The following CRYBA1 variants were observed in gnomAD, a reference collection of about 807,000 sequenced individuals.
The protein encoded by CRYBA1 is beta-crystallin A3.
In CRYBA1, 25 loss-of-function variants were observed where a neutral mutation model predicts 36.2. The ratio of observed to expected loss-of-function variants is 0.69; its 90% confidence interval spans 0.50 to 0.97. CRYBA1 has a LOEUF of 0.97. Ranked by LOEUF, CRYBA1 falls within the 50% of genes least tolerant of loss-of-function variation. The pLI, the probability that CRYBA1 is intolerant of heterozygous loss-of-function variation, is 0.00. For synonymous variants in CRYBA1, 111 were observed against 90.0 expected (o/e 1.23, Z -1.32); for missense variants, 224 against 276.3 (o/e 0.81, Z 1.34).
intron 3 of CRYBA1, 78 bp downstream of exon 3, chr17:29,250,378 G>A: frequency 1.2e-6 from 1 of 854,346 alleles, no homozygotes; most frequent in Non-Finnish European, 2.0e-6. Context: ...TGGGGATAGG[G>A]GAAGAAGGAT....
chr17:29,253,923 A>G (rs952370607), intron 5 of CRYBA1, 141 bp downstream of exon 5: 2 of 1,194,848 alleles, frequency 1.7e-6, no homozygotes, highest in East Asian at 2.6e-5. Flanking sequence ...CAATTTCTTT[A>G]TACCAACTAC....
rs765041165 is a variant in CRYBA1 at position 29,254,390 on chromosome 17, G to T, written c.*41G>T. ...AAGTACGATAATTCCTCAAGCATGA[G>T]ACCTTGCTAAGCACTCTAGAATAAG... On this transcript the variant is annotated 3_prime_UTR_variant, in exon 6 of 6. Transcript: ENST00000225387. The T allele has an allele frequency of 3.1e-6, 5 of 1,607,116 alleles. No homozygotes were observed. In the East Asian group the frequency reaches 8.9e-5, roughly 29 times the overall value.
At chr17:29,251,425 G>T (rs2068934778) in intron 3 of CRYBA1, among the ~76,000 whole-genome samples, 1 of 152,118 alleles carries the variant, frequency 6.6e-6, no homozygotes, top group South Asian at 2.1e-4. Flanking sequence ...CAACAGGTTG[G>T]ACAAGCTTGC....
chr17:29,253,314 G>A lies in CRYBA1; in HGVS notation c.358-326G>A, dbSNP rs190319775. On this transcript the variant is annotated intron_variant, in intron 4 of 5. Transcript: ENST00000225387. ...ACATACATATTTGGGCTTACTTTTT[G>A]TAATAATCTGTGAGATCTTTTTTCA... 2.0e-5 allele frequency among the ~76,000 whole-genome samples: 3 copies of A among 152,262 alleles called. No homozygotes were observed. The East Asian group carries it at 5.8e-4, about 29-fold the overall frequency.
chr17:29,249,411 T>C (rs1006665121), intron 2 of CRYBA1, among the ~76,000 whole-genome samples: 5 of 152,218 alleles, frequency 3.3e-5, no homozygotes, highest in African/African-American at 9.7e-5. Flanking sequence ...GTGGATGCCA[T>C]TGATGGGTGG....
intron 2 of CRYBA1, 29 bp downstream of exon 2, chr17:29,249,235 G>A (rs2068920784): frequency 2.7e-6 from 4 of 1,496,610 alleles, no homozygotes; most frequent in Non-Finnish European, 2.8e-6. Flanking sequence ...CATCCAACAG[G>A]GCAGGGGTGA....
In CRYBA1 at chr17:29,254,235, G is replaced by GT; in HGVS notation, c.535dup (p.Tyr179LeufsTer8). 6.2e-7 allele frequency: 1 copy of GT among 1,614,078 alleles called. No homozygotes were observed. The highest frequency in any genetic ancestry group is 1.3e-5 in the African/African-American group (1 of 75,010). On this transcript the variant is annotated frameshift_variant, in exon 6 of 6. Coordinates refer to ENST00000225387, the MANE Select transcript of CRYBA1 (RefSeq NM_005208.5). LOFTEE classifies it high-confidence loss of function. ...GCTACCAATATCCTGGATATCGTGGGTATCAGTATATCTTGGAATGTGACC... is the reference window on the plus strand; with the variant it reads ...GCTACCAATATCCTGGATATCGTGGGTTATCAGTATATCTTGGAATGTGACC...
At position 29,252,103 on chromosome 17, in the gene CRYBA1, GT is replaced by G. The variant is rs745555171; in HGVS notation, c.258del (p.Phe86LeufsTer41). On this transcript the variant is annotated frameshift_variant, in exon 4 of 6. Coordinates refer to ENST00000225387, the MANE Select transcript of CRYBA1 (RefSeq NM_005208.5). LOFTEE classifies it high-confidence loss of function. ...AGCATACCAGCTTCTGTGGGCAACA[GT>G]TTATCCTGGAGAGAGGAGAATACCC... is the stretch of plus-strand genomic sequence containing the variant. ...YEHTSFCGQQFILERGEYPRW... is the reference protein window; with the variant it reads ...YEHTSFCGQQXILERGEYPRW... 44 of 1,614,180 alleles carry G rather than the reference GT, an allele frequency of 2.7e-5. No homozygotes were observed. Among genetic ancestry groups the G allele is most frequent in the Non-Finnish European group, 3.6e-5 (42 of 1,180,024 alleles).
chr17:29,252,776 TA>T (rs1012919545), intron 4 of CRYBA1, among the ~76,000 whole-genome samples: 8 of 152,226 alleles, frequency 5.3e-5, no homozygotes, highest in Non-Finnish European at 1.0e-4. Flanking sequence ...ATGATCCCTG[TA>T]TTAGGAGTTA....
At chr17:29,248,993 A>C (rs2153009420) in intron 1 of CRYBA1, 149 bp from the exon 2 acceptor site, 1 of 678,536 alleles carries the variant, frequency 1.5e-6, no homozygotes, top group South Asian at 1.6e-5. Context: ...ACAACAACAA[A>C]CCCCGAGGCA....
chr17:29,247,072 T>G (rs2068905362), intron 1 of CRYBA1, among the ~76,000 whole-genome samples, 178 bp downstream of exon 1: 1 of 152,184 alleles, frequency 6.6e-6, no homozygotes, highest in African/African-American at 2.4e-5. Flanking sequence ...GTCACTTATA[T>G]AGCAATAACC....
chr17:29,251,299 A>G (rs752103461), intron 3 of CRYBA1, among the ~76,000 whole-genome samples: 9 of 152,132 alleles, frequency 5.9e-5, no homozygotes, highest in Non-Finnish European at 1.0e-4. Context: ...ATAAAATACC[A>G]TAACGATAGC....
intron 4 of CRYBA1, among the ~76,000 whole-genome samples, chr17:29,252,747 C>T (rs1220917665): frequency 2.0e-5 from 3 of 152,128 alleles, no homozygotes; most frequent in African/African-American, 7.2e-5. Flanking sequence ...GCAGAATGAC[C>T]TTAAGGGGTG....
intron 4 of CRYBA1, among the ~76,000 whole-genome samples, 185 bp downstream of exon 4, chr17:29,252,390 G>GT (rs1484895414): frequency 6.6e-6 from 1 of 152,126 alleles, no homozygotes; most frequent in Admixed American, 6.5e-5. Flanking sequence ...CCACCAGGTG[G>GT]TACTTCCCTT....
chr17:29,250,756 A>G (rs1168380520), intron 3 of CRYBA1, among the ~76,000 whole-genome samples: 1 of 151,896 alleles, frequency 6.6e-6, no homozygotes, highest in Non-Finnish European at 1.5e-5. Flanking sequence ...GAAAAAAAAA[A>G]CCTTAACCCC....
chr17:29,249,181 C>G lies in CRYBA1; in HGVS notation c.71C>G (p.Thr24Arg), dbSNP rs776458394. Residue 24 changes from threonine (T) to arginine (R), a missense_variant, in exon 2 of 6, where the codon ACG becomes AGG. Transcript: ENST00000225387. Reference sequence around the variant, plus strand: ...ACCAAGATGGCTCAGACCAACCCTACGCCGGGGTCCCTGGGGCCATGGAAG... The same window carrying G: ...ACCAAGATGGCTCAGACCAACCCTAGGCCGGGGTCCCTGGGGCCATGGAAG... ...PTTKMAQTNP[T>R]PGSLGPWKIT... The G allele has an allele frequency of 1.9e-6, 3 of 1,613,022 alleles. No homozygotes were observed. The African/African-American group carries it at 4.0e-5, about 22-fold the overall frequency.
chr17:29,253,649 G>T lies in CRYBA1; in HGVS notation c.367G>T (p.Glu123Ter). Residue 123 changes from glutamate to a stop codon, truncating the protein, a stop_gained, in exon 5 of 6, where the codon GAG becomes TAG. Transcript: ENST00000225387. LOFTEE classifies it high-confidence loss of function. ...FRPICSANHK[E>*]SKMTIFEKEN... Reference sequence around the variant, plus strand: ...AATTTCTGAATTACAGAATCATAAGGAGTCTAAGATGACCATCTTTGAGAA... The same window carrying T: ...AATTTCTGAATTACAGAATCATAAGTAGTCTAAGATGACCATCTTTGAGAA... 2 of 1,612,186 alleles carry T rather than the reference G, an allele frequency of 1.2e-6. No individual in the cohort carries two copies. The highest frequency in any genetic ancestry group is 1.7e-6 in the Non-Finnish European group (2 of 1,178,282).
Position 29,253,724 on chromosome 17 carries a change from T to C in CRYBA1, c.442T>C (p.Leu148=). Residue 148 remains leucine (L), a synonymous_variant, in exon 5 of 6, where the codon TTG becomes CTG. Coordinates refer to ENST00000225387, the MANE Select transcript of CRYBA1 (RefSeq NM_005208.5). ...QWEISDDYPS[L]QAMGWFNNEV... ...GGAGATCTCTGACGACTACCCCTCC[T>C]TGCAAGCCATGGGCTGGTTCAACAA... 1.2e-6 allele frequency: 2 copies of C among 1,614,188 alleles called. No individual in the cohort carries two copies. Among genetic ancestry groups the C allele is most frequent in the South Asian group, 2.2e-5 (2 of 91,074 alleles).
chr17:29,250,299 G>C lies in CRYBA1; in HGVS notation c.214G>C (p.Ala72Pro), dbSNP rs767036864. The change falls in exon 3 of 6, where the codon GCC becomes CCC. Residue 72 changes from alanine to proline, a missense_variant and splice_region_variant. Physicochemically the swap from Ala to Pro is conservative, Grantham distance 27. Transcript: ENST00000225387. ...CCGGTCCCTGAAGGTGGAAAGTGGC[G>C]CGTGAGTATGGACTTCCGCAGAACC... ...NVRSLKVESG[A>P]WIGYEHTSFC... is the part of the protein sequence containing the mutation. 4.4e-6 allele frequency: 7 copies of C among 1,580,262 alleles called. No individual in the cohort carries two copies. Among genetic ancestry groups the C allele is most frequent in the Non-Finnish European group, 6.1e-6 (7 of 1,148,876 alleles).
Sources: allele counts gnomAD v4.1 joint callset (sites outside exome capture counted in the v4.1 genomes callset), GRCh38; gene constraint gnomAD v4.1.1; transcripts MANE v1.5; gene names NCBI Gene and HGNC (gene_info 2026-07-23, HGNC 2026-07-21).